ASIC2: variants seen among roughly 807,000 people sequenced by gnomAD.
ASIC2 encodes acid sensing ion channel subunit 2.
Under a neutral mutation model 57.3 loss-of-function variants are expected in ASIC2, and 25 were observed. The ratio of observed to expected loss-of-function variants is 0.44; its 90% CI spans 0.32 to 0.61. The LOEUF is 0.61. Ranked by LOEUF, ASIC2 falls within the 20% of genes least tolerant of loss-of-function variation. The pLI is 0.06. For synonymous variants in ASIC2, 319 were observed against 307.5 expected, an observed-to-expected ratio of 1.04 and a Z score of -0.39; for missense variants, 641 against 738.1, an observed-to-expected ratio of 0.87 and a Z score of 1.52.
At chr17:33,666,493 C>G (rs1021435185) in intron 1 of ASIC2, among the ~76,000 whole-genome samples, 1 of 152,184 alleles carries the variant, frequency 6.6e-6, no homozygotes, top group Non-Finnish European at 1.5e-5. Context: ...CAGAGGGTGA[C>G]TCATTCTTCC....
At chr17:33,610,054 G>GCACACACACACACACACACACACACA (rs57533251) in intron 1 of ASIC2, among the ~76,000 whole-genome samples, 1 of 144,736 alleles carries the variant, frequency 6.9e-6, no homozygotes, top group Non-Finnish European at 1.5e-5. Context: ...GGACAGAGGC[G>GCACACACACACACACACACACACACA]CACACACACA....
At chr17:33,410,770 G>T (rs1391215068) in intron 1 of ASIC2, among the ~76,000 whole-genome samples, 1 of 152,186 alleles carries the variant, frequency 6.6e-6, no homozygotes, top group African/African-American at 2.4e-5. Context: ...TATCATCTTT[G>T]TGAGACAGGC....
At chr17:34,088,890 A>T (rs995418782) in intron 1 of ASIC2, among the ~76,000 whole-genome samples, 8 of 152,196 alleles carry the variant, frequency 5.3e-5, no homozygotes, top group Non-Finnish European at 1.5e-5. Context: ...CCCGTCGGAA[A>T]AGCGCGGTAT....
chr17:33,395,025 C>G (rs915371412), intron 1 of ASIC2, among the ~76,000 whole-genome samples: 1 of 148,902 alleles, frequency 6.7e-6, no homozygotes, highest in South Asian at 2.2e-4. Context: ...ACCATCCATG[C>G]ACATATCTAT....
At chr17:33,661,504 C>T (rs570788018) in intron 1 of ASIC2, among the ~76,000 whole-genome samples, 40 of 152,302 alleles carry the variant, frequency 2.6e-4, no homozygotes, top group African/African-American at 9.6e-4. Flanking sequence ...AGTCTAGTGG[C>T]ATGGCCTTGG....
At chr17:33,118,653 GC>G (rs779754909) in intron 1 of ASIC2, among the ~76,000 whole-genome samples, 14 of 152,038 alleles carry the variant, frequency 9.2e-5, no homozygotes, top group East Asian at 7.7e-4. Context: ...AAAAATCTTC[GC>G]CTCCAAACTT....
intron 1 of ASIC2, among the ~76,000 whole-genome samples, chr17:33,551,202 A>G (rs1014135599): frequency 2.6e-5 from 4 of 152,322 alleles, no homozygotes; most frequent in African/African-American, 9.6e-5. Context: ...ATGAATATGT[A>G]TGCTGATCTA....
chr17:33,714,783 GT>G (rs1261452485), intron 1 of ASIC2, among the ~76,000 whole-genome samples: 1 of 136,606 alleles, frequency 7.3e-6, no homozygotes, highest in Non-Finnish European at 1.6e-5. Flanking sequence ...ACTGGTATTT[GT>G]TATATTACGT....
At chr17:33,155,132 C>T (rs1193674001) in intron 1 of ASIC2, among the ~76,000 whole-genome samples, 1 of 152,234 alleles carries the variant, frequency 6.6e-6, no homozygotes, top group Non-Finnish European at 1.5e-5. Context: ...CCTGTGCCTG[C>T]GTGGGTTTGC....
chr17:33,420,840 C>T (rs2141971474), intron 1 of ASIC2, among the ~76,000 whole-genome samples: 1 of 152,252 alleles, frequency 6.6e-6, no homozygotes, highest in East Asian at 1.9e-4. Flanking sequence ...TGCCATGCCA[C>T]AGGATGAATT....
chr17:33,783,915 C>T (rs905443763), intron 1 of ASIC2, among the ~76,000 whole-genome samples: 1 of 152,184 alleles, frequency 6.6e-6, no homozygotes, highest in African/African-American at 2.4e-5. Flanking sequence ...AGTGAGGAAC[C>T]GACTTTCTAC....
intron 1 of ASIC2, among the ~76,000 whole-genome samples, chr17:33,827,458 A>G (rs1161068134): frequency 2.7e-5 from 4 of 149,654 alleles, no homozygotes; most frequent in Non-Finnish European, 5.9e-5. Flanking sequence ...CAGCCTCCCA[A>G]GTAGCTGGGA....
In ASIC2 at chr17:33,139,973, C is replaced by T. The variant is rs115449071; in HGVS notation, c.709-27906G>A. ...TACCTGCCGGGGTTGTACATGGATT[C>T]GTAAAGGAGAATGTGCTATACAGAA... On this transcript the variant is annotated intron_variant, in intron 1 of 9. Transcript: ENST00000225823. 4.1e-3 allele frequency among the ~76,000 whole-genome samples: 623 copies of T among 152,286 alleles called. 4 individuals are homozygous for T. Among genetic ancestry groups the T allele is most frequent in the African/African-American group, 0.014 (589 of 41,554 alleles).
intron 1 of ASIC2, chr17:33,932,741 A>AAATATATATATATATATATAT (rs1555572867): frequency 1.0e-4 from 6 of 58,708 alleles, no homozygotes; most frequent in Non-Finnish European, 1.6e-4. Context: ...AAAAAAAAAA[A>AAATATATATATATATATATAT]ATATATATAT....
chr17:34,084,365 C>T (rs1910014737), intron 1 of ASIC2, among the ~76,000 whole-genome samples: 1 of 152,244 alleles, frequency 6.6e-6, no homozygotes, highest in Non-Finnish European at 1.5e-5. Flanking sequence ...AGATATGCAG[C>T]GTTATTTCTG....
intron 1 of ASIC2, among the ~76,000 whole-genome samples, chr17:33,951,843 C>CT (rs1321743783): frequency 6.6e-6 from 1 of 151,464 alleles, no homozygotes; most frequent in East Asian, 2.0e-4. Flanking sequence ...ATCCACCCGT[C>CT]TTGGCCTCCT....
intron 1 of ASIC2, among the ~76,000 whole-genome samples, chr17:33,948,215 T>C (rs1415863753): frequency 6.6e-6 from 1 of 152,230 alleles, no homozygotes; most frequent in Admixed American, 6.5e-5. Context: ...ATTTGACCTC[T>C]GCTGTCTCCA....
chr17:33,504,062 G>A (rs1448831590), intron 1 of ASIC2, among the ~76,000 whole-genome samples: 1 of 152,226 alleles, frequency 6.6e-6, no homozygotes, highest in Non-Finnish European at 1.5e-5. Context: ...CAATCCCCTA[G>A]GAACTGGGTA....
intron 1 of ASIC2, among the ~76,000 whole-genome samples, chr17:33,122,337 A>C (rs1271814514): frequency 1.3e-5 from 2 of 152,114 alleles, no homozygotes; most frequent in East Asian, 3.8e-4. Context: ...ATCTTAGTCT[A>C]CGTTCGATCA....
Sources: gnomAD v4.1 joint callset for allele counts (sites outside exome capture counted in the v4.1 genomes callset) on GRCh38, gnomAD v4.1.1 for gene constraint, MANE v1.5 for transcripts, NCBI Gene and HGNC (gene_info 2026-07-23, HGNC 2026-07-21) for gene names.